The following DSCAM variants were observed in gnomAD, a reference collection of about 807,000 sequenced individuals.
The protein encoded by DSCAM is DS cell adhesion molecule.
A neutral mutation model predicts 217.7 loss-of-function variants in DSCAM; 47 were observed. The observed-to-expected ratio is 0.22, with a 90% CI of 0.17 to 0.28. The LOEUF is 0.28. DSCAM is among the 10% of genes least tolerant of loss of function. The probability of loss-of-function intolerance (pLI) is 1.00; values close to 1 mark genes in which losing one functional copy is unlikely to be tolerated. For missense variants in DSCAM, 2,080 were observed against 2,618.3 expected, an observed-to-expected ratio of 0.79 and a Z score of 4.49; for synonymous variants, 1,056 against 1,015.3, an observed-to-expected ratio of 1.04 and a Z score of -0.76.
At chr21:40,456,196 T>C (rs1486488247) in intron 3 of DSCAM, among the ~76,000 whole-genome samples, 1 of 151,986 alleles carries the variant, frequency 6.6e-6, no homozygotes, top group Non-Finnish European at 1.5e-5. Flanking sequence ...ATGATCACAA[T>C]GCCCTAAGAA....
intron 32 of DSCAM, among the ~76,000 whole-genome samples, chr21:40,042,027 C>T (rs1233901249): frequency 6.6e-6 from 1 of 152,098 alleles, no homozygotes; most frequent in Admixed American, 6.6e-5. Flanking sequence ...TGCTAGAACC[C>T]AGCCACCATG....
chr21:40,383,399 C>G (rs2123735632), intron 3 of DSCAM: 1 of 152,260 alleles, frequency 6.6e-6, no homozygotes, highest in South Asian at 2.1e-4. Context: ...TGGAGTGGAA[C>G]CCACTGATGG....
At chr21:40,377,536 G>A (rs2074975467) in intron 3 of DSCAM, among the ~76,000 whole-genome samples, 1 of 152,036 alleles carries the variant, frequency 6.6e-6, no homozygotes, top group Non-Finnish European at 1.5e-5. Flanking sequence ...AAAGGAGTTG[G>A]GGTAGGGGAG....
intron 20 of DSCAM, among the ~76,000 whole-genome samples, chr21:40,108,559 G>T (rs389575): frequency 0.89 from 135,560 of 152,228 alleles, 60,603 homozygotes; most frequent in Middle Eastern, 0.96. Flanking sequence ...ATCAATATCT[G>T]AAAATGGCTA....
intron 2 of DSCAM, among the ~76,000 whole-genome samples, chr21:40,694,503 T>G (rs1035692172): frequency 6.6e-6 from 1 of 152,212 alleles, no homozygotes; most frequent in Non-Finnish European, 1.5e-5. Flanking sequence ...AGCATTTTTG[T>G]AGTAAAGCAT....
chr21:40,110,019 G>A (rs535384789), intron 20 of DSCAM, among the ~76,000 whole-genome samples: 106 of 152,330 alleles, frequency 7.0e-4, no homozygotes, highest in African/African-American at 2.5e-3. Context: ...AAAGGCAGCA[G>A]AAACCTCTGA....
intron 1 of DSCAM, among the ~76,000 whole-genome samples, chr21:40,727,912 T>G (rs2090973701): frequency 6.6e-6 from 1 of 152,122 alleles, no homozygotes. Flanking sequence ...CCTTGTCGTC[T>G]CTAGACCACC....
At chr21:40,192,938 C>T (rs2090967737) in intron 11 of DSCAM, among the ~76,000 whole-genome samples, 1 of 152,066 alleles carries the variant, frequency 6.6e-6, no homozygotes, top group Non-Finnish European at 1.5e-5. Context: ...AGGAGAGATT[C>T]CTAGAAGTGG....
chr21:40,510,253 T>TA (rs767912588), intron 3 of DSCAM, among the ~76,000 whole-genome samples: 20 of 152,004 alleles, frequency 1.3e-4, no homozygotes, highest in Non-Finnish European at 2.1e-4. Flanking sequence ...GCTAGGCTTC[T>TA]AAAAAAAAGA....
chr21:40,093,732 G>A lies in DSCAM; in HGVS notation c.3839C>T (p.Pro1280Leu). 1 of 1,613,770 alleles carries A rather than the reference G, an allele frequency of 6.2e-7. No individual in the cohort carries two copies. The highest frequency in any genetic ancestry group is 8.5e-7 in the Non-Finnish European group (1 of 1,179,882). Residue 1280 changes from proline (P) to leucine (L), a missense_variant, in exon 21 of 33, where the codon CCA becomes CTA. By Grantham distance (98) the Pro-to-Leu change is moderately conservative. Coordinates refer to ENST00000400454, the MANE Select transcript of DSCAM (RefSeq NM_001389.5). Reference protein sequence around the residue: ...GNSSEIITVEPLAKAPARILT... With the variant: ...GNSSEIITVELLAKAPARILT... ...TAGCCACTGCCTACCTTTTGCTAGTGGCTCGACTGTGATGATTTCACTGCT... is the reference window on the plus strand; with the variant it reads ...TAGCCACTGCCTACCTTTTGCTAGTAGCTCGACTGTGATGATTTCACTGCT...
At chr21:40,599,547 G>A (rs887495162) in intron 3 of DSCAM, among the ~76,000 whole-genome samples, 42 of 152,230 alleles carry the variant, frequency 2.8e-4, no homozygotes, top group African/African-American at 9.9e-4. Context: ...ACAATTAAAA[G>A]AGCTAGAGAA....
intron 16 of DSCAM, among the ~76,000 whole-genome samples, chr21:40,158,371 GT>G (rs1281197464): frequency 1.8e-4 from 28 of 152,066 alleles, no homozygotes; most frequent in Admixed American, 1.8e-3. Flanking sequence ...TTCAGCCTGG[GT>G]GGTAGAGTGA....
At chr21:40,194,796 T>C (rs1016629196) in intron 11 of DSCAM, among the ~76,000 whole-genome samples, 8 of 152,194 alleles carry the variant, frequency 5.3e-5, no homozygotes, top group African/African-American at 1.9e-4. Flanking sequence ...TGCACATCTC[T>C]GCCCAGCTTG....
intron 4 of DSCAM, among the ~76,000 whole-genome samples, chr21:40,357,224 G>A (rs534903538): frequency 1.2e-4 from 18 of 152,260 alleles, no homozygotes; most frequent in African/African-American, 4.1e-4. Context: ...TCATTTACCT[G>A]CTTCTAAAGG....
At chr21:40,336,260 C>T (rs180881632) in intron 8 of DSCAM, among the ~76,000 whole-genome samples, 16 of 152,192 alleles carry the variant, frequency 1.1e-4, no homozygotes, top group Admixed American at 1.3e-4. Context: ...GATGGTTATG[C>T]GGTCTTTTCT....
At chr21:40,436,587 C>A (rs1052101977) in intron 3 of DSCAM, among the ~76,000 whole-genome samples, 1 of 152,162 alleles carries the variant, frequency 6.6e-6, no homozygotes, top group Non-Finnish European at 1.5e-5. Flanking sequence ...TGACAGAAAA[C>A]AGACAACAGG....
At chr21:40,809,298 T>G (rs2091816197) in intron 1 of DSCAM, among the ~76,000 whole-genome samples, 1 of 152,084 alleles carries the variant, frequency 6.6e-6, no homozygotes. Context: ...CAGAAGCAGA[T>G]CCTAATTTGA....
chr21:40,376,961 T>C (rs2074970152), intron 3 of DSCAM, among the ~76,000 whole-genome samples: 1 of 152,042 alleles, frequency 6.6e-6, no homozygotes. Context: ...TATTTGGAAA[T>C]AGGGTCAGTC....
chr21:40,211,971 T>A (rs1295886375), intron 11 of DSCAM, among the ~76,000 whole-genome samples: 1 of 151,872 alleles, frequency 6.6e-6, no homozygotes, highest in East Asian at 1.9e-4. Context: ...AGCTTTTTTT[T>A]TTTTGGTGTG....
Sources: allele counts gnomAD v4.1 joint callset (sites outside exome capture counted in the v4.1 genomes callset), GRCh38; gene constraint gnomAD v4.1.1; transcripts MANE v1.5; gene names NCBI Gene and HGNC (gene_info 2026-07-23, HGNC 2026-07-21).